Variants in DHX15 observed in about 807,000 individuals in gnomAD.
DHX15 encodes ATP-dependent RNA helicase DHX15.
In DHX15, 11 loss-of-function variants were observed where a neutral mutation model predicts 94.4. The ratio of observed to expected loss-of-function variants is 0.12; its 90% confidence interval spans 0.07 to 0.19. DHX15 has a LOEUF of 0.19. Ranked by LOEUF, DHX15 falls within the 10% of genes least tolerant of loss-of-function variation. The pLI is 1.00. For synonymous variants in DHX15, 338 were observed against 329.9 expected, an observed-to-expected ratio of 1.02 and a Z score of -0.27; for missense variants, 304 against 988.5, an observed-to-expected ratio of 0.31 and a Z score of 9.29.
At chr4:24,538,903 A>G (rs181047806) in intron 10 of DHX15, 23 of 152,104 alleles carry the variant, frequency 1.5e-4, no homozygotes, top group African/African-American at 4.3e-4. Context: ...ATAGACAAGT[A>G]AGTACACAAT....
At chr4:24,568,582 T>C (rs867916899) in intron 3 of DHX15, among the ~76,000 whole-genome samples, 8 of 152,192 alleles carry the variant, frequency 5.3e-5, no homozygotes, top group Non-Finnish European at 1.2e-4. Context: ...TACTCATCTT[T>C]TGAAAGCCTA....
Position 24,532,968 on chromosome 4 carries a change from G to C in DHX15, c.1996C>G (p.Arg666Gly). The change falls in exon 12 of 14, where the codon CGA becomes GGA. Residue 666 changes from arginine to glycine, a missense_variant. Arg to Gly is a moderately radical substitution (Grantham distance 125). Transcript: ENST00000336812. ...SADNVRQQLS[R>G]IMDRFNLPRR... is the part of the protein sequence containing the mutation. ...GGCAAATTAAATCTGTCCATAATTC[G>C]AGATAGCTGCTGGCGTACATTGTCT... is the stretch of plus-strand genomic sequence containing the variant. 1.2e-6 allele frequency: 2 copies of C among 1,613,958 alleles called. No individual in the cohort carries two copies. Among genetic ancestry groups the C allele is most frequent in the Non-Finnish European group, 1.7e-6 (2 of 1,179,920 alleles).
intron 3 of DHX15, among the ~76,000 whole-genome samples, chr4:24,558,046 A>C (rs1018643903): frequency 6.6e-6 from 1 of 151,832 alleles, no homozygotes; most frequent in African/African-American, 2.4e-5. Context: ...TTTACACCCT[A>C]TTGCTCCATT....
At chr4:24,553,214 G>A (rs1029049730) in intron 5 of DHX15, among the ~76,000 whole-genome samples, 3 of 152,224 alleles carry the variant, frequency 2.0e-5, no homozygotes, top group East Asian at 1.9e-4. Context: ...CCAGCTACTC[G>A]GAAGGCTGAG....
intron 6 of DHX15, among the ~76,000 whole-genome samples, chr4:24,547,903 G>C (rs28522475): frequency 2.1e-4 from 15 of 70,730 alleles, no homozygotes; most frequent in Non-Finnish European, 2.5e-4. Context: ...GTATGTATGT[G>C]TATATATATA....
At chr4:24,550,094 C>CAAAAAAA (rs58459661) in intron 5 of DHX15, among the ~76,000 whole-genome samples, 630 of 49,724 alleles carry the variant, frequency 0.013, 111 homozygotes, top group African/African-American at 0.036. Context: ...AACTCCGTCT[C>CAAAAAAA]AAAAAAAAAA....
At chr4:24,532,822 C>A in intron 12 of DHX15, 42 bp downstream of exon 12, 3 of 1,414,802 alleles carry the variant, frequency 2.1e-6, no homozygotes, top group South Asian at 2.8e-5. Flanking sequence ...AAATCAGTGT[C>A]ATATGAATAC....
At chr4:24,570,512 G>A in intron 3 of DHX15, 142 bp downstream of exon 3, 1 of 611,216 alleles carries the variant, frequency 1.6e-6, no homozygotes, top group Non-Finnish European at 2.8e-6. Flanking sequence ...ATTAAACTAA[G>A]GTCATGTGGT....
Position 24,542,976 on chromosome 4 carries a change from C to T in DHX15, c.1299G>A (p.Val433=), listed in dbSNP as rs2109397826. The change falls in exon 7 of 14, where the codon GTG becomes GTA. Residue 433 remains valine (V), a synonymous_variant. Transcript: ENST00000336812. ...CAAATCCAGGATCAATCACAAACAC[C>T]ACACCATCTATTGTCAAAGACGTCT... ...IAETSLTIDG[V]VFVIDPGFAK... is the part of the protein sequence containing the mutation. 1.9e-6 allele frequency: 3 copies of T among 1,612,816 alleles called. No homozygotes were observed. Among genetic ancestry groups the T allele is most frequent in the Middle Eastern group, 1.7e-4 (1 of 6,054 alleles).
chr4:24,574,065 G>T (rs1411048175), intron 2 of DHX15, among the ~76,000 whole-genome samples: 1 of 150,984 alleles, frequency 6.6e-6, no homozygotes, highest in African/African-American at 2.4e-5. Context: ...AAATAGCCAG[G>T]CATGGTGGTG....
intron 11 of DHX15, chr4:24,533,454 T>C: frequency 4.3e-6 from 1 of 233,820 alleles, no homozygotes; most frequent in Non-Finnish European, 8.6e-6. Flanking sequence ...CTGCAAACAA[T>C]TGTTGTGTAT....
In DHX15 at chr4:24,584,376, C is replaced by T; in HGVS notation, c.18G>A (p.Arg6=). The change falls in exon 1 of 14, where the codon CGG becomes CGA. Residue 6 remains arginine (R), a synonymous_variant. Transcript: ENST00000336812. The stretch of plus-strand genomic sequence containing the variant: ...AGGGGTAATCCTCCCCTAGGTCCAA[C>T]CGGTGCCGCTTGGACATCCTCGCAC... The part of the protein sequence containing the change: MSKRH[R]LDLGEDYPSG... 1 of 1,613,004 alleles carries T rather than the reference C, an allele frequency of 6.2e-7. No individual in the cohort carries two copies. The highest frequency in any genetic ancestry group is 1.7e-4 in the Middle Eastern group (1 of 6,060).
intron 6 of DHX15, among the ~76,000 whole-genome samples, chr4:24,546,734 G>A (rs959035990): frequency 6.6e-6 from 1 of 152,022 alleles, no homozygotes; most frequent in Admixed American, 6.6e-5. Context: ...AACTAATAGA[G>A]AAATAAGAAA....
At chr4:24,557,218 C>T (rs1000104447) in intron 3 of DHX15, among the ~76,000 whole-genome samples, 2 of 152,176 alleles carry the variant, frequency 1.3e-5, no homozygotes, top group African/African-American at 4.8e-5. Context: ...ATCTCCTGTC[C>T]ATTCCACACT....
chr4:24,564,616 C>A (rs1277363135), intron 3 of DHX15, among the ~76,000 whole-genome samples: 1 of 152,106 alleles, frequency 6.6e-6, no homozygotes, highest in Non-Finnish European at 1.5e-5. Context: ...TGATATTAGC[C>A]GAGTCCTTAC....
chr4:24,549,089 T>G lies in DHX15; in HGVS notation c.1081-67A>C. 4 of 1,345,216 alleles carry G rather than the reference T, an allele frequency of 3.0e-6. No homozygotes were observed. The South Asian group carries it at 6.5e-5, about 22-fold the overall frequency. The allele number at this position is 1,345,216 out of a possible 1,614,324, so 83.3% of individuals were successfully genotyped here. On this transcript the variant is annotated intron_variant, in intron 5 of 13. Coordinates refer to ENST00000336812, the MANE Select transcript of DHX15 (RefSeq NM_001358.3). ...TTTAAAGTATTTATTATAATCCTAGTTCTATGCAGTCTGTTTTATGTATGC... is the reference window on the plus strand; with the variant it reads ...TTTAAAGTATTTATTATAATCCTAGGTCTATGCAGTCTGTTTTATGTATGC...
intron 2 of DHX15, 83 bp downstream of exon 2, chr4:24,576,160 G>A: frequency 8.9e-7 from 1 of 1,118,332 alleles, no homozygotes; most frequent in Non-Finnish European, 1.3e-6. Context: ...ACAGACAAGG[G>A]AAATGACCAC....
At chr4:24,555,742 C>G (rs2109407718) in intron 4 of DHX15, among the ~76,000 whole-genome samples, 1 of 152,126 alleles carries the variant, frequency 6.6e-6, no homozygotes, top group African/African-American at 2.4e-5. Flanking sequence ...AGTTTTAGGC[C>G]CTTAATCAAT....
chr4:24,545,441 G>A (rs1721402632), intron 6 of DHX15, among the ~76,000 whole-genome samples: 1 of 152,170 alleles, frequency 6.6e-6, no homozygotes, highest in Non-Finnish European at 1.5e-5. Context: ...GATTCTGCAA[G>A]TGTTTAAGAA....
Sources: allele counts gnomAD v4.1 joint callset (sites outside exome capture counted in the v4.1 genomes callset), GRCh38; gene constraint gnomAD v4.1.1; transcripts MANE v1.5; gene names NCBI Gene and HGNC (gene_info 2026-07-23, HGNC 2026-07-21).